PRKACB: variants seen among roughly 807,000 people sequenced by gnomAD.
PRKACB encodes cAMP-dependent protein kinase catalytic subunit beta.
Under a neutral mutation model 51.4 loss-of-function variants are expected in PRKACB, and 16 were observed. The observed-to-expected ratio is 0.31, with a 90% CI of 0.21 to 0.47. The LOEUF (loss-of-function observed/expected upper bound fraction) is 0.47. Among genes scored for constraint, PRKACB ranks in the 20% least tolerant of loss-of-function variants. The probability of loss-of-function intolerance (pLI) is 1.00; values close to 1 mark genes in which losing one functional copy is unlikely to be tolerated. For missense variants in PRKACB, 309 were observed against 464.5 expected (o/e 0.67, Z 3.08); for synonymous variants, 147 against 154.4 (o/e 0.95, Z 0.35).
intron 1 of PRKACB, among the ~76,000 whole-genome samples, chr1:84,080,275 T>C (rs1359054083): frequency 6.6e-6 from 1 of 152,226 alleles, no homozygotes; most frequent in Non-Finnish European, 1.5e-5. Context: ...AGTATTAATT[T>C]GCAACTCATA....
upstream of PRKACB, among the ~76,000 whole-genome samples, chr1:84,140,690 C>G (rs1653316035): frequency 6.6e-6 from 1 of 152,088 alleles, no homozygotes; most frequent in South Asian, 2.1e-4. Context: ...ATTTTCAGAC[C>G]TGGGACAATA....
chr1:84,131,349 A>AG (rs1652179719), intron 1 of PRKACB, among the ~76,000 whole-genome samples: 1 of 151,720 alleles, frequency 6.6e-6, no homozygotes, highest in South Asian at 2.1e-4. Context: ...CATCTCAAAA[A>AG]AAAAAAAATT....
At chr1:84,186,585 G>A (rs1665186437) in intron 5 of PRKACB, among the ~76,000 whole-genome samples, 1 of 152,104 alleles carries the variant, frequency 6.6e-6, no homozygotes, top group African/African-American at 2.4e-5. Flanking sequence ...CTCTGATTTA[G>A]TTAGGTATGA....
At chr1:84,160,251 C>T (rs1656013215) in intron 1 of PRKACB, among the ~76,000 whole-genome samples, 2 of 151,936 alleles carry the variant, frequency 1.3e-5, no homozygotes, top group South Asian at 2.1e-4. Flanking sequence ...GGTTTATTTA[C>T]ATTTTCTATT....
chr1:84,097,675 G>A (rs1330610154), intron 1 of PRKACB, among the ~76,000 whole-genome samples: 2 of 152,030 alleles, frequency 1.3e-5, no homozygotes, highest in Non-Finnish European at 2.9e-5. Flanking sequence ...AAGACCTGAG[G>A]AAAGGGGAGA....
At chr1:84,202,557 A>G in intron 7 of PRKACB, 126 bp from the exon 8 acceptor site, 3 of 870,382 alleles carry the variant, frequency 3.4e-6, no homozygotes, top group Non-Finnish European at 5.2e-6. Context: ...TCTGTCCTGA[A>G]TAGCTGCTCA....
chr1:84,234,215 T>G (rs1348388313), intron 9 of PRKACB, among the ~76,000 whole-genome samples: 1 of 152,208 alleles, frequency 6.6e-6, no homozygotes, highest in African/African-American at 2.4e-5. Context: ...TGCCTCCCAG[T>G]TAGGCTGCTC....
In PRKACB at chr1:84,144,276, C is replaced by CATAG; in HGVS notation, c.-85_-82dup. On this transcript the variant is annotated 5_prime_UTR_variant, in exon 1 of 10. An upstream open reading frame in the 5' UTR gains an earlier in-frame stop. Coordinates refer to ENST00000370685, the MANE Select transcript of PRKACB (RefSeq NM_182948.4). ...CTGCAAACAGGAAGTTTGACACATGCATAGCTCTTAGCTTCTGTGTAAGAA... is the reference window on the plus strand; with the variant it reads ...CTGCAAACAGGAAGTTTGACACATGCATAGATAGCTCTTAGCTTCTGTGTAAGAA... 1 of 1,548,978 alleles carries CATAG rather than the reference C, an allele frequency of 6.5e-7. No homozygotes were observed. The highest frequency in any genetic ancestry group is 8.7e-7 in the Non-Finnish European group (1 of 1,155,738).
chr1:84,205,122 A>T, intron 8 of PRKACB: 3 of 982,164 alleles, frequency 3.1e-6, no homozygotes, highest in Non-Finnish European at 3.6e-6. Context: ...TTTAACTAAA[A>T]GTACCAGATT....
chr1:84,169,048 G>A (rs1658495453), intron 1 of PRKACB, among the ~76,000 whole-genome samples: 1 of 151,534 alleles, frequency 6.6e-6, no homozygotes, highest in Non-Finnish European at 1.5e-5. Context: ...AATGAGAAGG[G>A]CCAAAGAAAA....
chr1:84,125,654 A>T (rs960991091), intron 1 of PRKACB, among the ~76,000 whole-genome samples: 1 of 152,184 alleles, frequency 6.6e-6, no homozygotes, highest in African/African-American at 2.4e-5. Context: ...TAAGAGGAGG[A>T]TCTACTTAAT....
At chr1:84,079,780 C>T (rs1647379444) in intron 1 of PRKACB, among the ~76,000 whole-genome samples, 1 of 152,282 alleles carries the variant, frequency 6.6e-6, no homozygotes, top group African/African-American at 2.4e-5. Flanking sequence ...ATTCTCCTGC[C>T]TCAGCCTCCT....
intron 1 of PRKACB, among the ~76,000 whole-genome samples, chr1:84,135,235 T>C (rs1170309755): frequency 6.6e-6 from 1 of 152,130 alleles, no homozygotes; most frequent in Non-Finnish European, 1.5e-5. Flanking sequence ...GTCTTATCAA[T>C]CCTAAATATA....
At chr1:84,133,553 G>T (rs1652474971) in intron 1 of PRKACB, among the ~76,000 whole-genome samples, 1 of 152,196 alleles carries the variant, frequency 6.6e-6, no homozygotes, top group Non-Finnish European at 1.5e-5. Context: ...GGTGGTGGGG[G>T]AATTGGAGTG....
intron 1 of PRKACB, among the ~76,000 whole-genome samples, chr1:84,129,802 A>G (rs770108614): frequency 6.6e-6 from 1 of 152,346 alleles, no homozygotes; most frequent in Non-Finnish European, 1.5e-5. Context: ...AAGGGAAATC[A>G]AAACTTGAAA....
intron 1 of PRKACB, among the ~76,000 whole-genome samples, chr1:84,151,757 C>T (rs967765850): frequency 6.6e-6 from 1 of 152,220 alleles, no homozygotes; most frequent in Non-Finnish European, 1.5e-5. Flanking sequence ...AATAGAGTCA[C>T]ATCTCCAGGC....
In PRKACB at chr1:84,205,840, C is replaced by T. The variant is rs1022095691; in HGVS notation, c.906+3035C>T. ...CAGAGGAGGTGGTATTTAAATGTCACATTATTCATGCAATGTTAAGGTTTG... is the reference window on the plus strand; with the variant it reads ...CAGAGGAGGTGGTATTTAAATGTCATATTATTCATGCAATGTTAAGGTTTG... On this transcript the variant is annotated intron_variant, in intron 8 of 9. Coordinates refer to ENST00000370685, the MANE Select transcript of PRKACB (RefSeq NM_182948.4). 1.6e-4 allele frequency among the ~76,000 whole-genome samples: 24 copies of T among 152,164 alleles called. 1 individual carries two copies. Among genetic ancestry groups the T allele is most frequent in the African/African-American group, 4.8e-4 (20 of 41,536 alleles).
At chr1:84,162,400 T>G (rs925244713) in intron 1 of PRKACB, among the ~76,000 whole-genome samples, 4 of 152,074 alleles carry the variant, frequency 2.6e-5, no homozygotes, top group Non-Finnish European at 5.9e-5. Flanking sequence ...CTCTCTCCTT[T>G]TTTTCTAATT....
At chr1:84,234,813 C>G (rs1022963450) in intron 9 of PRKACB, among the ~76,000 whole-genome samples, 1 of 152,212 alleles carries the variant, frequency 6.6e-6, no homozygotes, top group East Asian at 1.9e-4. Flanking sequence ...CGCCCACTGT[C>G]TGGCACTCCC....
Sources: gnomAD v4.1 joint callset for allele counts (sites outside exome capture counted in the v4.1 genomes callset) on GRCh38, gnomAD v4.1.1 for gene constraint, MANE v1.5 for transcripts, NCBI Gene and HGNC (gene_info 2026-07-23, HGNC 2026-07-21) for gene names.